NRG1: variants seen among roughly 807,000 people sequenced by gnomAD.
NRG1 encodes neuregulin 1.
In NRG1, 18 loss-of-function variants were observed where a neutral mutation model predicts 63.8. The ratio of observed to expected loss-of-function variants is 0.28; its 90% CI spans 0.19 to 0.42. The LOEUF is 0.42. Among genes scored for constraint, NRG1 ranks in the 10% least tolerant of loss-of-function variants. The probability of loss-of-function intolerance (pLI) is 1.00; values close to 1 mark genes in which losing one functional copy is unlikely to be tolerated. For missense variants in NRG1, 762 were observed against 814.7 expected (o/e 0.94, Z 0.79); for synonymous variants, 302 against 301.3 (o/e 1.00, Z -0.02).
At chr8:32,284,489 G>GCGTGCCTGCCTGCCTGCCTTCCTTCCTT (rs1554497406) in intron 1 of NRG1, among the ~76,000 whole-genome samples, 4 of 132,522 alleles carry the variant, frequency 3.0e-5, no homozygotes, top group African/African-American at 1.2e-4. Flanking sequence ...CTGCCTGCCT[G>GCGTGCCTGCCTGCCTGCCTTCCTTCCTT]CCTTCCTTCC....
intron 4 of NRG1, 108 bp downstream of exon 4, chr8:32,614,672 C>A (rs1847008858): frequency 1.1e-6 from 1 of 943,868 alleles, no homozygotes; most frequent in Non-Finnish European, 1.6e-6. Context: ...CTCTCAGCTG[C>A]TCTTGTTTTC....
intron 1 of NRG1, among the ~76,000 whole-genome samples, chr8:31,742,947 G>C (rs1476074602): frequency 1.3e-5 from 2 of 151,898 alleles, no homozygotes; most frequent in African/African-American, 4.8e-5. Flanking sequence ...GTGTGCAAAA[G>C]AAAAAGAGAC....
chr8:32,252,295 C>T (rs543388486), intron 1 of NRG1, among the ~76,000 whole-genome samples: 33 of 152,204 alleles, frequency 2.2e-4, no homozygotes, highest in South Asian at 1.5e-3. Context: ...AATGATACTG[C>T]GTCAGTTTTC....
At chr8:32,149,329 C>T (rs370018103) in intron 1 of NRG1, among the ~76,000 whole-genome samples, 2 of 152,242 alleles carry the variant, frequency 1.3e-5, no homozygotes, top group Middle Eastern at 3.4e-3. Context: ...CTTAGTTGGC[C>T]TCTTCTCAGT....
intron 1 of NRG1, among the ~76,000 whole-genome samples, chr8:31,852,366 T>G (rs1304694968): frequency 6.6e-6 from 1 of 151,868 alleles, no homozygotes; most frequent in South Asian, 2.1e-4. Flanking sequence ...CCAGTGATGG[T>G]GAGCATTTTT....
chr8:32,065,431 C>T (rs796725292), intron 1 of NRG1, among the ~76,000 whole-genome samples: 3 of 152,076 alleles, frequency 2.0e-5, no homozygotes, highest in African/African-American at 7.2e-5. Flanking sequence ...TCAATTCCCA[C>T]CTATGAGTGA....
At chr8:32,026,346 T>A (rs1436873546) in intron 1 of NRG1, 2 of 152,212 alleles carry the variant, frequency 1.3e-5, no homozygotes, top group Non-Finnish European at 2.9e-5. Context: ...TGAATTCATC[T>A]CTTTGGCTGG....
chr8:32,124,818 A>G (rs1027963213), intron 1 of NRG1, among the ~76,000 whole-genome samples: 1 of 151,936 alleles, frequency 6.6e-6, no homozygotes, highest in Non-Finnish European at 1.5e-5. Context: ...TGGGCTGGAC[A>G]AGCAAAGTGC....
At chr8:31,974,116 C>T (rs1233099137) in intron 1 of NRG1, among the ~76,000 whole-genome samples, 1 of 152,130 alleles carries the variant, frequency 6.6e-6, no homozygotes, top group East Asian at 1.9e-4. Flanking sequence ...TTATATGAGT[C>T]TTCATGTTCA....
At chr8:32,470,659 T>A (rs1451699360) in intron 1 of NRG1, among the ~76,000 whole-genome samples, 1 of 152,192 alleles carries the variant, frequency 6.6e-6, no homozygotes, top group East Asian at 1.9e-4. Flanking sequence ...GGTTGGGAGA[T>A]CACTAGTTGT....
At chr8:32,267,571 A>G (rs1310158793) in intron 1 of NRG1, among the ~76,000 whole-genome samples, 1 of 152,234 alleles carries the variant, frequency 6.6e-6, no homozygotes, top group African/African-American at 2.4e-5. Context: ...TCTTGTACCA[A>G]ATGAAGGTAT....
intron 1 of NRG1, among the ~76,000 whole-genome samples, chr8:31,972,572 G>C (rs763166273): frequency 6.6e-5 from 10 of 151,940 alleles, no homozygotes; most frequent in East Asian, 3.9e-4. Context: ...AGCTTCCTAG[G>C]CTTCATTTTT....
chr8:32,208,048 T>C (rs1321879811), intron 1 of NRG1, among the ~76,000 whole-genome samples: 1 of 152,184 alleles, frequency 6.6e-6, no homozygotes, highest in Non-Finnish European at 1.5e-5. Flanking sequence ...CAAAGGTTAA[T>C]GCACGAGAAA....
intron 1 of NRG1, among the ~76,000 whole-genome samples, chr8:32,267,841 C>A (rs1024417655): frequency 6.6e-6 from 1 of 152,148 alleles, no homozygotes; most frequent in South Asian, 2.1e-4. Flanking sequence ...TGCATTTTCC[C>A]ATGGAATTTT....
chr8:32,222,981 C>T (rs996159651), intron 1 of NRG1, among the ~76,000 whole-genome samples: 6 of 152,154 alleles, frequency 3.9e-5, no homozygotes, highest in Non-Finnish European at 8.8e-5. Context: ...CAAAGAGAGA[C>T]AATGGCATTC....
chr8:31,986,482 T>C (rs997751354), intron 1 of NRG1, among the ~76,000 whole-genome samples: 4 of 152,094 alleles, frequency 2.6e-5, no homozygotes, highest in East Asian at 1.9e-4. Flanking sequence ...AAGGGTAGAA[T>C]TGGCATTTGA....
chr8:32,267,070 AAGAAAGAGAGAG>A (rs1301758772), intron 1 of NRG1, among the ~76,000 whole-genome samples: 47 of 148,762 alleles, frequency 3.2e-4, no homozygotes, highest in Non-Finnish European at 6.0e-4. Flanking sequence ...GAAAGAAAAA[AAGAAAGAGAGAG>A]AGAAAGAGAG....
At chr8:31,797,724 T>C (rs1821366321) in intron 1 of NRG1, among the ~76,000 whole-genome samples, 1 of 152,348 alleles carries the variant, frequency 6.6e-6, no homozygotes, top group Admixed American at 6.5e-5. Context: ...GCAGCACTAT[T>C]TATTTATTGT....
chr8:31,759,264 T>C (rs1817287998), intron 1 of NRG1, among the ~76,000 whole-genome samples: 1 of 152,082 alleles, frequency 6.6e-6, no homozygotes, highest in African/African-American at 2.4e-5. Context: ...ATTTTATCAG[T>C]GTTTTCTGTT....
Sources: gnomAD v4.1 joint callset for allele counts (sites outside exome capture counted in the v4.1 genomes callset) on GRCh38, gnomAD v4.1.1 for gene constraint, MANE v1.5 for transcripts, NCBI Gene and HGNC (gene_info 2026-07-23, HGNC 2026-07-21) for gene names.